PCCA: variants seen among roughly 807,000 people sequenced by gnomAD.
PCCA encodes propionyl-CoA carboxylase subunit alpha, also known as propionyl-CoA carboxylase alpha chain, mitochondrial.
PCCA carries 74 observed loss-of-function variants against 101.3 expected under a neutral mutation model. The ratio of observed to expected loss-of-function variants is 0.73; its 90% CI spans 0.61 to 0.89. PCCA has a LOEUF of 0.89. PCCA is among the 40% of genes least tolerant of loss of function. The pLI, the probability that PCCA is intolerant of heterozygous loss-of-function variation, is 0.00. For synonymous variants in PCCA, 294 were observed against 313.6 expected (o/e 0.94, Z 0.66); for missense variants, 891 against 907.0 (o/e 0.98, Z 0.23).
Position 100,089,200 on chromosome 13 carries a change from T to A in PCCA, c.80T>A (p.Leu27Gln). 6.6e-7 allele frequency: 1 copy of A among 1,526,704 alleles called. No individual in the cohort carries two copies. Among genetic ancestry groups the A allele is most frequent in the Non-Finnish European group, 8.8e-7 (1 of 1,138,648 alleles). 94.6% of individuals were successfully genotyped at this position (1,526,704 alleles called of 1,614,324 possible). Residue 27 changes from leucine to glutamine, a missense_variant, in exon 1 of 24, where the codon CTG (leucine) becomes CAG (glutamine). Coordinates refer to ENST00000376285, the MANE Select transcript of PCCA (RefSeq NM_000282.4). ...RGRWPPQQLM[L>Q]SAALRTLKHV... is the part of the protein sequence containing the mutation. The stretch of plus-strand genomic sequence containing the variant: ...CGGTGGCCGCCGCAGCAGCTGATGC[T>A]GAGCGCGGCGCTGCGGACCCTGAAG...
chr13:100,098,514 CG>C (rs1042787344), intron 1 of PCCA, among the ~76,000 whole-genome samples: 7 of 152,034 alleles, frequency 4.6e-5, no homozygotes, highest in African/African-American at 1.7e-4. Flanking sequence ...CAGGCAGGGT[CG>C]GGGGAGCTCT....
intron 19 of PCCA, among the ~76,000 whole-genome samples, chr13:100,399,816 T>A (rs986222490): frequency 6.6e-6 from 1 of 152,364 alleles, no homozygotes; most frequent in East Asian, 1.9e-4. Flanking sequence ...ATGTGATGAC[T>A]GATTGTTTTT....
chr13:100,184,432 A>G (rs191827820), intron 6 of PCCA, among the ~76,000 whole-genome samples: 18 of 152,354 alleles, frequency 1.2e-4, no homozygotes, highest in Non-Finnish European at 2.9e-5. Context: ...GCAGATATTT[A>G]TAAATACAGA....
At position 100,262,732 on chromosome 13, in the gene PCCA, TG is replaced by T. The variant is rs745571507; in HGVS notation, c.722del (p.Gly241ValfsTer19). 26 of 1,477,148 alleles carry T rather than the reference TG, an allele frequency of 1.8e-5. No homozygotes were observed. The highest frequency in any genetic ancestry group is 1.1e-5 in the South Asian group (1 of 87,666). 91.5% of individuals were successfully genotyped at this position (1,477,148 alleles called of 1,614,324 possible). A position where few individuals can be genotyped will look rare whatever the true frequency, so the allele number is the denominator to read the frequency against. ...TTCTTCCTTCTTTTTTTCACAGGGA[TG>T]GTTTTAGATTGTCATCTCAAGAAGC... ...IAWDDEETRD[G>X]FRLSSQEAAS... is the part of the protein sequence containing the mutation. On this transcript the variant is annotated frameshift_variant, in exon 10 of 24. Coordinates refer to ENST00000376285, the MANE Select transcript of PCCA (RefSeq NM_000282.4). LOFTEE classifies it high-confidence loss of function.
chr13:100,153,564 AACAACAAAATTG>A (rs1337698470), intron 4 of PCCA, among the ~76,000 whole-genome samples: 1 of 152,220 alleles, frequency 6.6e-6, no homozygotes, highest in African/African-American at 2.4e-5. Context: ...TCACAATTAC[AACAACAAAATTG>A]ACAGTAACAG....
At chr13:100,273,438 A>T (rs1318622648) in intron 12 of PCCA, 92 bp downstream of exon 12, 2 of 1,012,638 alleles carry the variant, frequency 2.0e-6, no homozygotes, top group African/African-American at 3.2e-5. Context: ...TAAAAAATTA[A>T]CTCCATAAAG....
At position 100,351,642 on chromosome 13, in the gene PCCA, A is replaced by G. The variant is rs189394468; in HGVS notation, c.1643+11383A>G. On this transcript the variant is annotated intron_variant, in intron 18 of 23. Transcript: ENST00000376285. ...TAGAATGAGATTAGACATCTTTTCT[A>G]GGAGACCAGTGTGGGCATTGTGTGC... Among the ~76,000 whole-genome samples, 152 of 152,316 alleles carry G rather than the reference A, an allele frequency of 1.0e-3. 4 individuals carry two copies. In the South Asian group the frequency reaches 0.028, roughly 28 times the overall value.
At chr13:100,133,401 A>T (rs2050758527) in intron 4 of PCCA, among the ~76,000 whole-genome samples, 1 of 152,166 alleles carries the variant, frequency 6.6e-6, no homozygotes, top group Admixed American at 6.5e-5. Context: ...TTTAATTTTG[A>T]TAAAGTCAGC....
chr13:100,438,522 A>G (rs2080107861), intron 20 of PCCA, among the ~76,000 whole-genome samples: 1 of 152,088 alleles, frequency 6.6e-6, no homozygotes, highest in African/African-American at 2.4e-5. Context: ...TTTTTAGTGT[A>G]AGAACAAAGC....
At chr13:100,363,938 A>C (rs2074908807) in intron 18 of PCCA, among the ~76,000 whole-genome samples, 1 of 152,184 alleles carries the variant, frequency 6.6e-6, no homozygotes, top group African/African-American at 2.4e-5. Context: ...ATCAGCTGAC[A>C]GTTCTTCACC....
chr13:100,505,762 G>T (rs958155522), intron 21 of PCCA, among the ~76,000 whole-genome samples: 2 of 152,222 alleles, frequency 1.3e-5, no homozygotes, highest in African/African-American at 2.4e-5. Context: ...AGGTACTTGG[G>T]AGTCTGACGT....
At chr13:100,303,711 G>A (rs956727005) in intron 14 of PCCA, among the ~76,000 whole-genome samples, 2 of 152,240 alleles carry the variant, frequency 1.3e-5, no homozygotes, top group East Asian at 1.9e-4. Flanking sequence ...TTACTGGCAT[G>A]AAGATGGTGA....
chr13:100,455,267 T>A (rs1049628455), intron 21 of PCCA, among the ~76,000 whole-genome samples: 10 of 152,198 alleles, frequency 6.6e-5, no homozygotes, highest in Non-Finnish European at 1.3e-4. Flanking sequence ...GAAGAGTTTT[T>A]AAAAACGTAA....
At chr13:100,187,787 G>C (rs1226874892) in intron 6 of PCCA, among the ~76,000 whole-genome samples, 2 of 152,134 alleles carry the variant, frequency 1.3e-5, no homozygotes, top group Non-Finnish European at 2.9e-5. Context: ...TGGGAAACAG[G>C]TGGTATTTGA....
intron 4 of PCCA, chr13:100,151,107 T>A: frequency 7.9e-7 from 1 of 1,259,616 alleles, no homozygotes; most frequent in Non-Finnish European, 1.1e-6. Context: ...TTGGCTTACC[T>A]GATGGCTGCT....
chr13:100,221,302 C>T lies in PCCA; in HGVS notation c.600+11839C>T, dbSNP rs80122606. Among the ~76,000 whole-genome samples, 1,083 of 152,262 alleles carry T rather than the reference C, an allele frequency of 7.1e-3. 12 individuals are homozygous for T. Among genetic ancestry groups the T allele is most frequent in the African/African-American group, 0.025 (1,036 of 41,540 alleles). ...CTCTACCCAGTGTGACTCATCTCAC[C>T]ATTGTGGTTGGGGAGACCCCTGAGG... On this transcript the variant is annotated intron_variant, in intron 7 of 23. Transcript: ENST00000376285.
chr13:100,515,515 G>T lies in PCCA; in HGVS notation c.1988G>T (p.Arg663Leu). 1 of 1,614,122 alleles carries T rather than the reference G, an allele frequency of 6.2e-7. No individual in the cohort carries two copies. Among genetic ancestry groups the T allele is most frequent in the Non-Finnish European group, 8.5e-7 (1 of 1,180,016 alleles). ...KVTEDTSSVL[R>L]SPMPGVVVAV... ...ACTGAGGACACAAGCAGTGTTCTGC[G>T]TTCCCCGATGCCCGGAGTGGTGGTG... is the stretch of plus-strand genomic sequence containing the variant. The change falls in exon 22 of 24, where the codon CGT (arginine) becomes CTT (leucine). Residue 663 changes from arginine to leucine, a missense_variant. Arg to Leu is a moderately radical substitution (Grantham distance 102). Coordinates refer to ENST00000376285, the MANE Select transcript of PCCA (RefSeq NM_000282.4).
At chr13:100,213,196 C>T (rs747942686) in intron 7 of PCCA, among the ~76,000 whole-genome samples, 12 of 152,166 alleles carry the variant, frequency 7.9e-5, no homozygotes, top group Non-Finnish European at 1.2e-4. Flanking sequence ...TTGTGGTAAA[C>T]ATGGTAGTGT....
At chr13:100,199,240 C>T (rs560044207) in intron 6 of PCCA, among the ~76,000 whole-genome samples, 49 of 152,226 alleles carry the variant, frequency 3.2e-4, no homozygotes, top group African/African-American at 1.1e-3. Context: ...TGCTAACCTC[C>T]GGCCTCTCTC....
Sources: gnomAD v4.1 joint callset for allele counts (sites outside exome capture counted in the v4.1 genomes callset) on GRCh38, gnomAD v4.1.1 for gene constraint, MANE v1.5 for transcripts, NCBI Gene and HGNC (gene_info 2026-07-23, HGNC 2026-07-21) for gene names.